The following AGAP1 variants were observed in gnomAD, a reference collection of about 807,000 sequenced individuals.
AGAP1 encodes the protein arf-GAP with GTPase, ANK repeat and PH domain-containing protein 1.
In AGAP1, 29 loss-of-function variants were observed where a neutral mutation model predicts 105.3. The observed-to-expected ratio is 0.28, with a 90% CI of 0.21 to 0.38. The LOEUF (loss-of-function observed/expected upper bound fraction) is 0.38. Ranked by LOEUF, AGAP1 falls within the 10% of genes least tolerant of loss-of-function variation. The pLI is 1.00. For synonymous variants in AGAP1, 509 were observed against 485.9 expected (o/e 1.05, Z -0.63); for missense variants, 998 against 1,165.1 (o/e 0.86, Z 2.09).
At chr2:235,749,879 AT>A (rs537065458) in intron 5 of AGAP1, among the ~76,000 whole-genome samples, 449 of 152,338 alleles carry the variant, frequency 2.9e-3, no homozygotes, top group Non-Finnish European at 5.2e-3. Flanking sequence ...TCACTGGGGT[AT>A]CCCTGTGCAT....
intron 6 of AGAP1, among the ~76,000 whole-genome samples, chr2:235,772,281 C>T (rs972955114): frequency 2.6e-5 from 4 of 152,122 alleles, no homozygotes; most frequent in African/African-American, 9.7e-5. Context: ...TGTGAGCCAC[C>T]ACACCCAACC....
At chr2:235,815,374 G>A (rs1039673400) in intron 9 of AGAP1, among the ~76,000 whole-genome samples, 15 of 152,262 alleles carry the variant, frequency 9.9e-5, no homozygotes, top group African/African-American at 2.6e-4. Flanking sequence ...ATGTGCACAC[G>A]CCTGGTGTCT....
chr2:236,112,256 A>C (rs901993512), intron 16 of AGAP1, among the ~76,000 whole-genome samples: 35 of 152,238 alleles, frequency 2.3e-4, no homozygotes, highest in Non-Finnish European at 4.6e-4. Context: ...TCTCTACTAA[A>C]AATACAAAAA....
chr2:235,826,664 G>A (rs1273897587), intron 9 of AGAP1, among the ~76,000 whole-genome samples: 1 of 152,070 alleles, frequency 6.6e-6, no homozygotes, highest in Non-Finnish European at 1.5e-5. Context: ...TGGCCAGGGT[G>A]GGCTCGAACT....
chr2:235,899,853 A>G (rs546798547), intron 10 of AGAP1, among the ~76,000 whole-genome samples: 28 of 152,354 alleles, frequency 1.8e-4, no homozygotes, highest in African/African-American at 6.3e-4. Context: ...GTAATACTCA[A>G]TTTAACCTAG....
chr2:235,590,877 C>T (rs1293458176), intron 1 of AGAP1, among the ~76,000 whole-genome samples: 137 of 149,760 alleles, frequency 9.1e-4, no homozygotes, highest in Non-Finnish European at 4.1e-4. Context: ...CCTGCCACTA[C>T]GCCCGGCTAA....
At chr2:236,010,373 A>G (rs574844964) in intron 13 of AGAP1, among the ~76,000 whole-genome samples, 4 of 152,232 alleles carry the variant, frequency 2.6e-5, no homozygotes, top group Non-Finnish European at 5.9e-5. Context: ...AGTAATTACA[A>G]GGAGCTGAGT....
chr2:235,821,338 A>G (rs532467681), intron 9 of AGAP1, among the ~76,000 whole-genome samples: 1 of 152,156 alleles, frequency 6.6e-6, no homozygotes, highest in South Asian at 2.1e-4. Context: ...ATGAATAGGA[A>G]CGCAGTAACA....
chr2:235,853,932 A>T (rs2048579473), intron 9 of AGAP1, among the ~76,000 whole-genome samples: 1 of 151,880 alleles, frequency 6.6e-6, no homozygotes. Flanking sequence ...TCCCATGTGG[A>T]GATACTAGAT....
At chr2:235,928,940 G>C (rs1186193576) in intron 11 of AGAP1, among the ~76,000 whole-genome samples, 2 of 152,204 alleles carry the variant, frequency 1.3e-5, no homozygotes, top group African/African-American at 4.8e-5. Context: ...GAGCAAGCAT[G>C]GGAGCACCAC....
At chr2:236,107,788 G>A (rs2059537853) in intron 16 of AGAP1, among the ~76,000 whole-genome samples, 1 of 152,216 alleles carries the variant, frequency 6.6e-6, no homozygotes, top group African/African-American at 2.4e-5. Flanking sequence ...GGCCGCCTGG[G>A]GCCTGCACCT....
At chr2:235,645,596 C>G (rs1048684901) in intron 1 of AGAP1, among the ~76,000 whole-genome samples, 5 of 152,042 alleles carry the variant, frequency 3.3e-5, no homozygotes, top group African/African-American at 1.2e-4. Flanking sequence ...TGGGTCATTG[C>G]AGGGGTTTAC....
At chr2:235,859,972 G>T (rs2048858184) in intron 9 of AGAP1, among the ~76,000 whole-genome samples, 1 of 152,186 alleles carries the variant, frequency 6.6e-6, no homozygotes, top group South Asian at 2.1e-4. Context: ...ACTAGGCTGG[G>T]ATCACCATCC....
At chr2:235,846,319 G>A (rs1260421236) in intron 9 of AGAP1, among the ~76,000 whole-genome samples, 1 of 152,032 alleles carries the variant, frequency 6.6e-6, no homozygotes, top group African/African-American at 2.4e-5. Context: ...GGTTCTATGG[G>A]TTATTTATTT....
At chr2:235,518,296 A>G (rs1942479133) in intron 1 of AGAP1, among the ~76,000 whole-genome samples, 1 of 152,154 alleles carries the variant, frequency 6.6e-6, no homozygotes, top group Non-Finnish European at 1.5e-5. Context: ...GCTTTGGGCA[A>G]CCAGATGCCT....
chr2:235,894,951 T>C (rs2050733317), intron 10 of AGAP1, among the ~76,000 whole-genome samples: 1 of 152,142 alleles, frequency 6.6e-6, no homozygotes, highest in South Asian at 2.1e-4. Context: ...CCTCTCAAGG[T>C]CAATTATGCA....
rs1295237012 is a variant in AGAP1, at chr2:235,793,932, T to G, written c.674-3827T>G. ...AAAGTAAATGTATACCTCACTTTTTTTGTTAAGTTCTTAAACTTTTTTTTT... is the reference window on the plus strand; with the variant it reads ...AAAGTAAATGTATACCTCACTTTTTGTGTTAAGTTCTTAAACTTTTTTTTT... On this transcript the variant is annotated intron_variant, in intron 6 of 17. Coordinates refer to ENST00000304032, the MANE Select transcript of AGAP1 (RefSeq NM_001037131.3). This position sits in a 1 kb window ranked among gnomAD's most constrained non-coding sequence, Gnocchi z 5.3. Among the ~76,000 whole-genome samples the G allele has an allele frequency of 6.6e-6, 1 of 152,238 alleles. No individual in the cohort carries two copies. Among genetic ancestry groups the G allele is most frequent in the East Asian group, 1.9e-4 (1 of 5,198 alleles).
chr2:236,048,915 C>G (rs989579758), intron 15 of AGAP1, 144 bp from the exon 16 acceptor site: 21 of 717,908 alleles, frequency 2.9e-5, no homozygotes, highest in African/African-American at 2.7e-4. Context: ...GGACTGAGCA[C>G]TGGCTAGGGA....
At chr2:235,677,596 T>C (rs1294004382) in intron 1 of AGAP1, among the ~76,000 whole-genome samples, 1 of 152,106 alleles carries the variant, frequency 6.6e-6, no homozygotes, top group Non-Finnish European at 1.5e-5. Context: ...AATGCTCCTT[T>C]ATTCTCTGTA....
Sources: gnomAD v4.1 joint callset for allele counts (sites outside exome capture counted in the v4.1 genomes callset) on GRCh38, gnomAD v4.1.1 for gene constraint, Gnocchi (gnomAD v3.1) non-coding constraint, MANE v1.5 for transcripts, NCBI Gene and HGNC (gene_info 2026-07-23, HGNC 2026-07-21) for gene names.